The following CFAP77 variants were observed in gnomAD, a reference collection of about 807,000 sequenced individuals.
CFAP77 encodes cilia and flagella associated protein 77, also known as cilia- and flagella-associated protein 77.
Under a neutral mutation model 31.1 loss-of-function variants are expected in CFAP77, and 25 were observed. That is an observed-to-expected ratio of 0.80 (90% CI 0.59 to 1.12). The LOEUF (loss-of-function observed/expected upper bound fraction) is 1.12, where lower values mean the gene tolerates loss of function less well. CFAP77 is among the 50% of genes most tolerant of loss of function. The pLI is 0.00. For synonymous variants in CFAP77, 151 were observed against 159.9 expected, an observed-to-expected ratio of 0.94 and a Z score of 0.42; for missense variants, 377 against 397.3, an observed-to-expected ratio of 0.95 and a Z score of 0.44.
At chr9:132,524,683 C>G (rs980947478) in intron 3 of CFAP77, among the ~76,000 whole-genome samples, 43 of 152,106 alleles carry the variant, frequency 2.8e-4, no homozygotes, top group East Asian at 5.8e-4. Context: ...GAGTCTCGCT[C>G]TGTCGCCCAG....
Position 132,410,263 on chromosome 9 carries a change from A to C in CFAP77, c.-9A>C. On this transcript the variant is annotated 5_prime_UTR_variant, in exon 1 of 6. Coordinates refer to ENST00000393216, the MANE Select transcript of CFAP77 (RefSeq NM_001282957.2). Reference sequence around the variant, plus strand: ...CAGCCCGCGGGCCGGCTCCCCGGCGACCTCAAGGATGCCAGAGGCCAGGAG... The same window carrying C: ...CAGCCCGCGGGCCGGCTCCCCGGCGCCCTCAAGGATGCCAGAGGCCAGGAG... The C allele has an allele frequency of 6.5e-7, 1 of 1,538,964 alleles. No homozygotes were observed. The highest frequency in any genetic ancestry group is 1.2e-5 in the South Asian group (1 of 85,628).
chr9:132,422,326 G>A (rs2131681244), intron 1 of CFAP77, among the ~76,000 whole-genome samples: 1 of 152,224 alleles, frequency 6.6e-6, no homozygotes, highest in Non-Finnish European at 1.5e-5. Context: ...TGGCTTTCAA[G>A]GCCCTGCAGA....
rs547332036 is a variant in CFAP77 at position 132,459,133 on chromosome 9, G to A, written c.196-39562G>A. Among the ~76,000 whole-genome samples, 1,277 of 150,362 alleles carry A rather than the reference G, an allele frequency of 8.5e-3. 21 individuals are homozygous for A. The highest frequency in any genetic ancestry group is 0.029 in the African/African-American group (1,203 of 40,884). On this transcript the variant is annotated intron_variant, in intron 1 of 5. Transcript: ENST00000393216. The stretch of plus-strand genomic sequence containing the variant: ...GTTGCCCAGGCTGGAGTGCAGTGGC[G>A]TTATCTTGGCTCACTGCAAGCTCCG...
At chr9:132,467,649 A>G (rs1453027450) in intron 1 of CFAP77, among the ~76,000 whole-genome samples, 2 of 152,214 alleles carry the variant, frequency 1.3e-5, no homozygotes, top group East Asian at 1.9e-4. Context: ...TTATTCTGCC[A>G]TGAACATGAG....
intron 1 of CFAP77, among the ~76,000 whole-genome samples, chr9:132,458,083 G>A (rs1850953916): frequency 6.6e-6 from 1 of 152,166 alleles, no homozygotes. Flanking sequence ...GTAGAGAAGC[G>A]TGGGGCTTGA....
At chr9:132,467,598 G>A (rs11243785) in intron 1 of CFAP77, among the ~76,000 whole-genome samples, 15,293 of 152,106 alleles carry the variant, frequency 0.1, 2,033 homozygotes, top group African/African-American at 0.31. Flanking sequence ...TTCTTCCATC[G>A]ATGGACACTT....
chr9:132,473,236 A>G (rs953814705), intron 1 of CFAP77, among the ~76,000 whole-genome samples: 2 of 152,200 alleles, frequency 1.3e-5, no homozygotes, highest in Non-Finnish European at 2.9e-5. Context: ...AAACACCTCC[A>G]ACGTCATTCA....
In CFAP77 at chr9:132,565,230, CTCCTTTGCCCCT is replaced by C. The variant is rs1030353219; in HGVS notation, c.733-7145_733-7134del. Among the ~76,000 whole-genome samples, 16 of 151,892 alleles carry C rather than the reference CTCCTTTGCCCCT, an allele frequency of 1.1e-4. No individual in the cohort carries two copies. Among genetic ancestry groups the C allele is most frequent in the African/African-American group, 2.7e-4 (11 of 41,420 alleles). ...CATTTCCTGGAATTCACCCCCATTC[CTCCTTTGCCCCT>C]TCCTTTGCCCCTGGCTTGCTCCTTC... On this transcript the variant is annotated intron_variant, in intron 5 of 5. Transcript: ENST00000393216. The surrounding 1 kb of genome is among the most constrained non-coding windows in gnomAD (Gnocchi z 4.1).
At chr9:132,553,548 C>G (rs552187044) in intron 5 of CFAP77, among the ~76,000 whole-genome samples, 1 of 152,360 alleles carries the variant, frequency 6.6e-6, no homozygotes, top group East Asian at 1.9e-4. Context: ...TACCTTCCAC[C>G]TCCTTGTTGT....
At position 132,495,398 on chromosome 9, in the gene CFAP77, A is replaced by G. The variant is rs1851725569; in HGVS notation, c.196-3297A>G. ...AGGGAGGCAGAGTCTCTCCCAGAGA[A>G]GTCACATTTTAATTAACTTCCCCGG... is the stretch of plus-strand genomic sequence containing the variant. On this transcript the variant is annotated intron_variant, in intron 1 of 5. Transcript: ENST00000393216. The surrounding 1 kb of genome is among the most constrained non-coding windows in gnomAD (Gnocchi z 4.2). 6.6e-6 allele frequency among the ~76,000 whole-genome samples: 1 copy of G among 152,186 alleles called. No homozygotes were observed. Among genetic ancestry groups the G allele is most frequent in the Non-Finnish European group, 1.5e-5 (1 of 68,022 alleles).
Position 132,410,364 on chromosome 9 carries a change from C to T in CFAP77, c.93C>T (p.Pro31=). 6.3e-7 allele frequency: 1 copy of T among 1,598,762 alleles called. No individual in the cohort carries two copies. Among genetic ancestry groups the T allele is most frequent in the East Asian group, 2.3e-5 (1 of 43,306 alleles). Residue 31 remains proline, a synonymous_variant, in exon 1 of 6, where the codon CCC becomes CCT. Transcript: ENST00000393216. ...GCACGGTCAGCCAGGTCTGCCCGCC[C>T]CCGCGGCGGCCCCTGACCGTGGCGG... ...VRRTVSQVCP[P]PRRPLTVADI...
In CFAP77 at chr9:132,480,891, A is replaced by T. The variant is rs1851433100; in HGVS notation, c.196-17804A>T. 6.6e-6 allele frequency among the ~76,000 whole-genome samples: 1 copy of T among 152,090 alleles called. No individual in the cohort carries two copies. The highest frequency in any genetic ancestry group is 2.4e-5 in the African/African-American group (1 of 41,410). ...GGCATAAGATGAGGCCAAGGCTAGG[A>T]GCAGAGGTGCCCCCATTGTGGTCCG... On this transcript the variant is annotated intron_variant, in intron 1 of 5. Transcript: ENST00000393216. This position sits in a 1 kb window ranked among gnomAD's most constrained non-coding sequence, Gnocchi z 5.8.
At chr9:132,416,177 C>G (rs933001711) in intron 1 of CFAP77, among the ~76,000 whole-genome samples, 1 of 152,060 alleles carries the variant, frequency 6.6e-6, no homozygotes, top group African/African-American at 2.4e-5. Context: ...ACCTTAGACC[C>G]GTCTGCTGGG....
rs917473001 is a variant in CFAP77, at chr9:132,426,208, C to T, written c.195+15742C>T. Among the ~76,000 whole-genome samples, 7 of 152,302 alleles carry T rather than the reference C, an allele frequency of 4.6e-5. No homozygotes were observed. The East Asian group carries it at 1.2e-3, about 25-fold the overall frequency. ...GTCAGGAGAAAGGATTTGACAAGTT[C>T]AGTATACAATGTTCATTTGGCAAGG... On this transcript the variant is annotated intron_variant, in intron 1 of 5. Transcript: ENST00000393216.
intron 3 of CFAP77, among the ~76,000 whole-genome samples, chr9:132,519,792 A>G (rs1478968478): frequency 2.1e-4 from 7 of 33,968 alleles, no homozygotes; most frequent in Non-Finnish European, 4.2e-4. Flanking sequence ...GGATGGATGG[A>G]TGGATGGATG....
intron 1 of CFAP77, among the ~76,000 whole-genome samples, chr9:132,426,357 C>G (rs1564200009): frequency 6.6e-6 from 1 of 152,272 alleles, no homozygotes; most frequent in Non-Finnish European, 1.5e-5. Flanking sequence ...CTTGCATGAT[C>G]CCGAAAAGTC....
intron 1 of CFAP77, among the ~76,000 whole-genome samples, chr9:132,477,032 C>A (rs1851356874): frequency 6.6e-6 from 1 of 152,186 alleles, no homozygotes; most frequent in South Asian, 2.1e-4. Flanking sequence ...CTCCTCTGGT[C>A]TTGGGGCTGC....
intron 1 of CFAP77, among the ~76,000 whole-genome samples, chr9:132,415,990 A>G (rs2131675122): frequency 6.6e-6 from 1 of 152,334 alleles, no homozygotes; most frequent in Non-Finnish European, 1.5e-5. Flanking sequence ...CTATGCTTGG[A>G]GTTTCCTAGC....
rs146051077 is a variant in CFAP77 at position 132,497,829 on chromosome 9, C to T, written c.196-866C>T. Among the ~76,000 whole-genome samples the T allele has an allele frequency of 3.0e-3, 454 of 152,192 alleles. 4 individuals are homozygous for T. Among genetic ancestry groups the T allele is most frequent in the African/African-American group, 0.01 (434 of 41,514 alleles). The stretch of plus-strand genomic sequence containing the variant: ...CAAGTGCCCACTGATGCAGCGGGTG[C>T]GATGGGGTTCGAAGCACTGTGCAGG... On this transcript the variant is annotated intron_variant, in intron 1 of 5. Transcript: ENST00000393216. This position sits in a 1 kb window ranked among gnomAD's most constrained non-coding sequence, Gnocchi z 4.9.
Sources: allele counts gnomAD v4.1 joint callset (sites outside exome capture counted in the v4.1 genomes callset), GRCh38; gene constraint gnomAD v4.1.1; non-coding constraint Gnocchi (gnomAD v3.1); transcripts MANE v1.5; gene names NCBI Gene and HGNC (gene_info 2026-07-23, HGNC 2026-07-21).